NFIA: variants seen among roughly 807,000 people sequenced by gnomAD.
The protein encoded by NFIA is nuclear factor 1 A-type.
A neutral mutation model predicts 62.8 loss-of-function variants in NFIA; 8 were observed. The ratio of observed to expected loss-of-function variants is 0.13; its 90% CI spans 0.07 to 0.23. The LOEUF is 0.23. Ranked by LOEUF, NFIA falls within the 10% of genes least tolerant of loss-of-function variation. NFIA has a pLI of 1.00. For synonymous variants in NFIA, 235 were observed against 238.1 expected (o/e 0.99, Z 0.12); for missense variants, 410 against 642.1 (o/e 0.64, Z 3.91).
intron 3 of NFIA, among the ~76,000 whole-genome samples, chr1:61,325,531 G>A (rs1660885184): frequency 6.6e-6 from 1 of 152,206 alleles, no homozygotes; most frequent in Non-Finnish European, 1.5e-5. Context: ...GTTACATGGA[G>A]TGTTTACACA....
rs899196119 is a variant in NFIA, at chr1:61,093,317, A to G, written c.559+4637A>G. Among the ~76,000 whole-genome samples, 8 of 152,200 alleles carry G rather than the reference A, an allele frequency of 5.3e-5. No individual in the cohort carries two copies. In the East Asian group the frequency reaches 9.7e-4, roughly 18 times the overall value. ...AATTATTAATAAAGTGTGTTTGGAA[A>G]AAGAATATACACTGTATATTGTATA... On this transcript the variant is annotated intron_variant, in intron 2 of 10. Coordinates refer to ENST00000403491, the MANE Select transcript of NFIA (RefSeq NM_001134673.4).
chr1:61,171,446 G>T (rs1276756864), intron 2 of NFIA, among the ~76,000 whole-genome samples: 1 of 152,092 alleles, frequency 6.6e-6, no homozygotes, highest in Non-Finnish European at 1.5e-5. Flanking sequence ...AGTAAATGTG[G>T]TGACATTTTT....
intron 6 of NFIA, among the ~76,000 whole-genome samples, chr1:61,379,402 C>CTTTTT (rs60735193): frequency 2.0e-3 from 192 of 98,172 alleles, no homozygotes; most frequent in East Asian, 5.8e-3. Context: ...TTTTCTTTTT[C>CTTTTT]TTTTTTTTTT....
upstream of NFIA, chr1:61,077,736 C>G (rs1010729893): frequency 5.4e-6 from 4 of 743,314 alleles, no homozygotes; most frequent in Non-Finnish European, 7.9e-6. Context: ...TTCTCTAGCT[C>G]GCATATGCAC....
intron 9 of NFIA, among the ~76,000 whole-genome samples, chr1:61,422,093 C>T (rs1666646881): frequency 6.6e-6 from 1 of 151,942 alleles, no homozygotes; most frequent in African/African-American, 2.4e-5. Flanking sequence ...GAGACCTCAT[C>T]TCCACAAATA....
intron 2 of NFIA, among the ~76,000 whole-genome samples, chr1:61,184,696 AGGAGCC>A (rs762100331): frequency 7.9e-5 from 12 of 152,242 alleles, no homozygotes; most frequent in Non-Finnish European, 1.3e-4. Context: ...ATTGTGTGAT[AGGAGCC>A]GTGCTCCAAG....
At chr1:61,230,131 A>G (rs1424913629) in intron 2 of NFIA, among the ~76,000 whole-genome samples, 1 of 152,210 alleles carries the variant, frequency 6.6e-6, no homozygotes, top group African/African-American at 2.4e-5. Context: ...TTTGGAATTA[A>G]TAAGAAAATT....
rs147060648 is a variant in NFIA at position 61,387,719 on chromosome 1, G to T, written c.1075+4354G>T. Among the ~76,000 whole-genome samples the T allele has an allele frequency of 4.1e-3, 631 of 152,326 alleles. 7 individuals are homozygous for T. The highest frequency in any genetic ancestry group is 0.014 in the African/African-American group (587 of 41,570). On this transcript the variant is annotated intron_variant, in intron 7 of 10. Coordinates refer to ENST00000403491, the MANE Select transcript of NFIA (RefSeq NM_001134673.4). ...CACTATCTTTGTTGTGCCTCACACAGTGGGTTTTATGCTCAAATATTGGTT... is the reference window on the plus strand; with the variant it reads ...CACTATCTTTGTTGTGCCTCACACATTGGGTTTTATGCTCAAATATTGGTT...
chr1:61,340,915 G>A (rs890720737), intron 4 of NFIA, among the ~76,000 whole-genome samples: 2 of 152,042 alleles, frequency 1.3e-5, no homozygotes, highest in Non-Finnish European at 2.9e-5. Context: ...TTTTCAGCCA[G>A]AGCCTGTGTT....
Position 61,410,676 on chromosome 1 carries a change from C to CG in NFIA, c.1420+3953dup, listed in dbSNP as rs1159097165. 3.9e-5 allele frequency among the ~76,000 whole-genome samples: 6 copies of CG among 152,008 alleles called. No homozygotes were observed. In the East Asian group the frequency reaches 1.2e-3, roughly 29 times the overall value. On this transcript the variant is annotated intron_variant, in intron 9 of 10. Transcript: ENST00000403491. ...CCAGCACTTTGGGAGGCCTAGGAGG[C>CG]GGGGCAGATTGCTTGAGCTCAGGAG...
At chr1:61,420,111 G>A (rs1344833841) in intron 9 of NFIA, among the ~76,000 whole-genome samples, 1 of 152,170 alleles carries the variant, frequency 6.6e-6, no homozygotes, top group African/African-American at 2.4e-5. Flanking sequence ...AGTAAGGCCT[G>A]TAGATTTTTA....
chr1:61,232,507 T>C (rs544060288), intron 2 of NFIA, among the ~76,000 whole-genome samples: 1 of 152,344 alleles, frequency 6.6e-6, no homozygotes, highest in Non-Finnish European at 1.5e-5. Context: ...AAAAATGTTT[T>C]TACTGTACCA....
At chr1:61,418,552 C>T (rs761707056) in intron 9 of NFIA, among the ~76,000 whole-genome samples, 11 of 152,020 alleles carry the variant, frequency 7.2e-5, no homozygotes, top group Admixed American at 1.3e-4. Flanking sequence ...ATATTTTAAT[C>T]ATAATTGATC....
chr1:61,321,858 A>G (rs1222015383), intron 3 of NFIA, among the ~76,000 whole-genome samples: 1 of 152,120 alleles, frequency 6.6e-6, no homozygotes, highest in Non-Finnish European at 1.5e-5. Flanking sequence ...TTGCTCAATC[A>G]CTTGGAACTT....
chr1:61,237,650 C>T (rs998819074), intron 2 of NFIA, among the ~76,000 whole-genome samples: 1 of 152,144 alleles, frequency 6.6e-6, no homozygotes, highest in Non-Finnish European at 1.5e-5. Flanking sequence ...TTTTTTTCCT[C>T]TCCCATCATT....
intron 2 of NFIA, among the ~76,000 whole-genome samples, chr1:61,106,046 AC>A (rs1452655395): frequency 6.6e-6 from 1 of 150,952 alleles, no homozygotes; most frequent in African/African-American, 2.4e-5. Context: ...GAAGCTTTGA[AC>A]TCATTTATCA....
chr1:61,332,602 C>T lies in NFIA; in HGVS notation c.700+16C>T. On this transcript the variant is annotated intron_variant, in intron 4 of 10. Transcript: ENST00000403491. ...GTGTCACAGAGTAAGTATAATTTTG[C>T]TTTGATTTGGTACAGATTTGCCTTG... The T allele has an allele frequency of 6.2e-7, 1 of 1,611,284 alleles. No individual in the cohort carries two copies. The highest frequency in any genetic ancestry group is 8.5e-7 in the Non-Finnish European group (1 of 1,177,790).
chr1:61,447,042 G>A (rs553237247), intron 10 of NFIA, among the ~76,000 whole-genome samples: 3 of 152,190 alleles, frequency 2.0e-5, no homozygotes, highest in South Asian at 2.1e-4. Flanking sequence ...AATCCGATGT[G>A]TAGAAAACAT....
Position 61,164,692 on chromosome 1 carries a change from C to T in NFIA, c.559+76012C>T, listed in dbSNP as rs186458174. On this transcript the variant is annotated intron_variant, in intron 2 of 10. Transcript: ENST00000403491. ...AGCCAGGATGGTCTCAATCTCCTGA[C>T]CTCATGATCTGCCCACCTCAGCCTC... Among the ~76,000 whole-genome samples, 391 of 152,202 alleles carry T rather than the reference C, an allele frequency of 2.6e-3. 5 individuals carry two copies. The highest frequency in any genetic ancestry group is 3.5e-3 in the Non-Finnish European group (240 of 68,002).
Sources: gnomAD v4.1 joint callset for allele counts (sites outside exome capture counted in the v4.1 genomes callset) on GRCh38, gnomAD v4.1.1 for gene constraint, MANE v1.5 for transcripts, NCBI Gene and HGNC (gene_info 2026-07-23, HGNC 2026-07-21) for gene names.